SLC35F2: variants seen among roughly 807,000 people sequenced by gnomAD.
SLC35F2 encodes the protein queuine/queuosine transporter SLC35F2.
A neutral mutation model predicts 38.1 loss-of-function variants in SLC35F2; 25 were observed. The observed-to-expected ratio is 0.66, with a 90% CI of 0.48 to 0.92. SLC35F2 has a LOEUF of 0.92. SLC35F2 is among the 40% of genes least tolerant of loss of function. The pLI, the probability that SLC35F2 is intolerant of heterozygous loss-of-function variation, is 0.00. For missense variants in SLC35F2, 409 were observed against 452.9 expected (o/e 0.90, Z 0.88); for synonymous variants, 173 against 181.7 (o/e 0.95, Z 0.38).
chr11:107,804,845 T>A, intron 5 of SLC35F2, 75 bp from the exon 6 acceptor site: 1 of 1,261,546 alleles, frequency 7.9e-7, no homozygotes, highest in Non-Finnish European at 1.1e-6. Flanking sequence ...TTAGTCACTA[T>A]ACTTCAGCTA....
chr11:107,810,932 A>G (rs775445283), intron 3 of SLC35F2: 12 of 973,828 alleles, frequency 1.2e-5, no homozygotes, highest in Non-Finnish European at 1.3e-5. Flanking sequence ...CAAATCCCAC[A>G]TCTGATACAC....
intron 1 of SLC35F2, among the ~76,000 whole-genome samples, chr11:107,846,749 C>T (rs569853015): frequency 2.6e-5 from 4 of 152,086 alleles, no homozygotes; most frequent in East Asian, 3.9e-4. Context: ...CTGGCCAACA[C>T]GGTCAAACCC....
intron 3 of SLC35F2, chr11:107,810,843 C>T: frequency 1.0e-6 from 1 of 979,876 alleles, no homozygotes; most frequent in Non-Finnish European, 1.2e-6. Flanking sequence ...TTTTTCCAGT[C>T]CCTAAAATTT....
intron 7 of SLC35F2, among the ~76,000 whole-genome samples, chr11:107,795,395 G>A (rs1859202187): frequency 6.6e-6 from 1 of 152,130 alleles, no homozygotes; most frequent in African/African-American, 2.4e-5. Context: ...AACACTTTAG[G>A]ACATTGGTCT....
chr11:107,820,024 G>A (rs190380554), intron 1 of SLC35F2, among the ~76,000 whole-genome samples: 2 of 152,094 alleles, frequency 1.3e-5, no homozygotes, highest in African/African-American at 2.4e-5. Context: ...AAGAGGCCAA[G>A]GCGGATGGAT....
chr11:107,809,139 C>T (rs914506223), intron 3 of SLC35F2, among the ~76,000 whole-genome samples: 5 of 152,068 alleles, frequency 3.3e-5, no homozygotes, highest in Non-Finnish European at 7.4e-5. Context: ...CATTCCATGA[C>T]TTCTCATCTG....
chr11:107,836,178 T>C (rs765073752), intron 1 of SLC35F2, among the ~76,000 whole-genome samples: 1 of 152,180 alleles, frequency 6.6e-6, no homozygotes, highest in Non-Finnish European at 1.5e-5. Flanking sequence ...TGGGTGAAAG[T>C]TGAGTAAAGG....
At chr11:107,810,590 G>T (rs1238166523) in intron 3 of SLC35F2, 1 of 985,200 alleles carries the variant, frequency 1.0e-6, no homozygotes, top group Non-Finnish European at 1.2e-6. Context: ...TAATTTTTAC[G>T]AAACTTTAGG....
At chr11:107,828,452 T>C (rs940761089) in intron 1 of SLC35F2, among the ~76,000 whole-genome samples, 8 of 142,556 alleles carry the variant, frequency 5.6e-5, no homozygotes, top group Admixed American at 1.4e-4. Flanking sequence ...AAAAAAAAAA[T>C]AGCAATACTA....
intron 7 of SLC35F2, among the ~76,000 whole-genome samples, chr11:107,794,505 C>A (rs1218403725): frequency 1.3e-5 from 2 of 152,134 alleles, no homozygotes; most frequent in African/African-American, 4.8e-5. Context: ...ATACCCAGGG[C>A]CTTATTTTTC....
At chr11:107,818,076 G>GAAAC (rs1338227794) in intron 1 of SLC35F2, among the ~76,000 whole-genome samples, 1 of 58,678 alleles carries the variant, frequency 1.7e-5, no homozygotes, top group Non-Finnish European at 3.6e-5. Flanking sequence ...AAAAAAAAAA[G>GAAAC]AAAGAAAGAA....
At chr11:107,833,545 G>A (rs1241338722) in intron 1 of SLC35F2, among the ~76,000 whole-genome samples, 1 of 142,338 alleles carries the variant, frequency 7.0e-6, no homozygotes, top group Admixed American at 6.8e-5. Flanking sequence ...AAAGGAGAGA[G>A]GTGAAATGGG....
chr11:107,829,452 A>G (rs898264676), intron 1 of SLC35F2, among the ~76,000 whole-genome samples: 1 of 151,682 alleles, frequency 6.6e-6, no homozygotes, highest in Non-Finnish European at 1.5e-5. Flanking sequence ...CTCCCAGTGC[A>G]CCCTTCTCGC....
At chr11:107,811,619 T>C (rs751973038) in intron 3 of SLC35F2, 48 bp downstream of exon 3, 2 of 1,543,044 alleles carry the variant, frequency 1.3e-6, no homozygotes, top group South Asian at 2.5e-5. Flanking sequence ...CTTCGTGTTC[T>C]TCTTTTGAAG....
At chr11:107,845,258 A>G (rs1245969621) in intron 1 of SLC35F2, among the ~76,000 whole-genome samples, 2 of 152,278 alleles carry the variant, frequency 1.3e-5, no homozygotes, top group East Asian at 3.9e-4. Context: ...CTGAATAAAC[A>G]GAATCTGTTT....
intron 3 of SLC35F2, chr11:107,810,898 GACAT>G (rs1456717276): frequency 3.1e-6 from 3 of 980,068 alleles, no homozygotes; most frequent in African/African-American, 3.5e-5. Flanking sequence ...GTGAGAAAGG[GACAT>G]ATCAAAAAGT....
rs114987444 is a variant in SLC35F2 at position 107,853,375 on chromosome 11, G to A, written c.110+5283C>T. Among the ~76,000 whole-genome samples the A allele has an allele frequency of 4.8e-3, 725 of 152,270 alleles. 1 individual carries two copies. The highest frequency in any genetic ancestry group is 9.6e-3 in the African/African-American group (400 of 41,550). ...TAGTCCTATTCGTTATGGCCAAAGA[G>A]ACAAGTCTGAAGCCTAGAACATTAC... On this transcript the variant is annotated intron_variant, in intron 1 of 7. Coordinates refer to ENST00000525815, the MANE Select transcript of SLC35F2 (RefSeq NM_017515.5).
intron 1 of SLC35F2, among the ~76,000 whole-genome samples, chr11:107,854,660 C>A (rs1403262960): frequency 2.0e-5 from 3 of 152,000 alleles, no homozygotes; most frequent in African/African-American, 7.3e-5. Context: ...ATCTGATATT[C>A]CTAATCATAG....
At chr11:107,857,566 A>G (rs969087293) in intron 1 of SLC35F2, among the ~76,000 whole-genome samples, 2 of 152,182 alleles carry the variant, frequency 1.3e-5, no homozygotes, top group Non-Finnish European at 2.9e-5. Flanking sequence ...CCCTTTAAAC[A>G]CATGCATCAA....
Sources: gnomAD v4.1 joint callset for allele counts (sites outside exome capture counted in the v4.1 genomes callset) on GRCh38, gnomAD v4.1.1 for gene constraint, MANE v1.5 for transcripts, NCBI Gene and HGNC (gene_info 2026-07-23, HGNC 2026-07-21) for gene names.